Variants in ACTL6A observed in about 807,000 individuals in gnomAD.
ACTL6A encodes the protein actin-like protein 6A.
A neutral mutation model predicts 59.2 loss-of-function variants in ACTL6A; 5 were observed. The ratio of observed to expected loss-of-function variants is 0.08; its 90% CI spans 0.04 to 0.18. The LOEUF (loss-of-function observed/expected upper bound fraction) is 0.18. Among genes scored for constraint, ACTL6A ranks in the 10% least tolerant of loss-of-function variants. The pLI is 1.00. For synonymous variants in ACTL6A, 154 were observed against 171.8 expected (o/e 0.90, Z 0.81); for missense variants, 285 against 526.9 (o/e 0.54, Z 4.49).
At chr3:179,563,812 T>C (rs1045042927) in intron 1 of ACTL6A, among the ~76,000 whole-genome samples, 7 of 152,204 alleles carry the variant, frequency 4.6e-5, no homozygotes, top group African/African-American at 1.7e-4. Flanking sequence ...CTGGGGGTCC[T>C]AGGCGTGTTA....
At chr3:179,575,200 C>T (rs1464365010) in intron 5 of ACTL6A, 4 of 355,492 alleles carry the variant, frequency 1.1e-5, no homozygotes, top group South Asian at 4.4e-5. Context: ...TTCTACATTT[C>T]TTCCTTTATT....
chr3:179,582,455 CAT>C (rs1358029951), intron 11 of ACTL6A, among the ~76,000 whole-genome samples: 3 of 152,174 alleles, frequency 2.0e-5, no homozygotes, highest in Non-Finnish European at 2.9e-5. Flanking sequence ...AAGGGCTTAG[CAT>C]ATGTGTTTTG....
intron 11 of ACTL6A, among the ~76,000 whole-genome samples, chr3:179,582,601 AACTT>A (rs1445716900): frequency 6.6e-6 from 1 of 152,198 alleles, no homozygotes; most frequent in African/African-American, 2.4e-5. Flanking sequence ...TGAATATCCT[AACTT>A]ACAGATAAGC....
At chr3:179,585,738 A>G (rs939915053) in intron 12 of ACTL6A, among the ~76,000 whole-genome samples, 1 of 152,200 alleles carries the variant, frequency 6.6e-6, no homozygotes, top group Non-Finnish European at 1.5e-5. Context: ...AACTGTCCCC[A>G]GAGGCAGATT....
At position 179,576,966 on chromosome 3, in the gene ACTL6A, A is replaced by G. The variant is rs558266605; in HGVS notation, c.768+53A>G. The G allele has an allele frequency of 2.8e-5, 41 of 1,489,694 alleles. No homozygotes were observed. In the South Asian group the frequency reaches 4.3e-4, roughly 16 times the overall value. 92.3% of individuals were successfully genotyped at this position (1,489,694 alleles called of 1,614,324 possible). ...AATGTTACAGGCTTTTTGCATGAGT[A>G]TTAAAAAAAGTTATATATAGGCTGT... On this transcript the variant is annotated intron_variant, in intron 8 of 13. Transcript: ENST00000429709.
rs200172529 is a variant in ACTL6A, at chr3:179,587,866, A to AT, written c.1210-58dup. The AT allele has an allele frequency of 4.9e-3, 6,518 of 1,337,720 alleles. 1 individual carries two copies. The highest frequency in any genetic ancestry group is 6.7e-3 in the East Asian group (246 of 36,494). The allele number at this position is 1,337,720 out of a possible 1,614,324, so 82.9% of individuals were successfully genotyped here. A position where few individuals can be genotyped will look rare whatever the true frequency, so the allele number is the denominator to read the frequency against. On this transcript the variant is annotated intron_variant, in intron 13 of 13. Transcript: ENST00000429709. Reference sequence around the variant, plus strand: ...CAAGACCTTCTCTCAAAAAAAAAAAATTTTTTAAGCCATTTCTAGTAAGAA... The same window carrying AT: ...CAAGACCTTCTCTCAAAAAAAAAAAATTTTTTTAAGCCATTTCTAGTAAGAA...
chr3:179,574,357 C>T lies in ACTL6A; in HGVS notation c.379-13C>T. 1.3e-6 allele frequency: 2 copies of T among 1,545,950 alleles called. No individual in the cohort carries two copies. Among genetic ancestry groups the T allele is most frequent in the South Asian group, 1.1e-5 (1 of 88,872 alleles). On this transcript the variant is annotated splice_polypyrimidine_tract_variant and intron_variant, in intron 4 of 13. Coordinates refer to ENST00000429709, the MANE Select transcript of ACTL6A (RefSeq NM_004301.5). ...TCTTAATAACTTGCATTTCTTTTTC[C>T]CCTCTTCTCAAGTGGAATACTAGAG... is the stretch of plus-strand genomic sequence containing the variant.
chr3:179,567,082 T>G (rs897591859), intron 1 of ACTL6A, among the ~76,000 whole-genome samples: 10 of 152,216 alleles, frequency 6.6e-5, no homozygotes, highest in Non-Finnish European at 1.0e-4. Context: ...AGATTCTGGT[T>G]TCACCGGGCA....
Position 179,576,724 on chromosome 3 carries a change from A to C in ACTL6A, c.676A>C (p.Lys226Gln). The change falls in exon 7 of 14, where the codon AAA becomes CAA. Residue 226 changes from lysine to glutamine, a missense_variant and splice_region_variant. Physicochemically the swap from Lys to Gln is moderately conservative, Grantham distance 53. Coordinates refer to ENST00000429709, the MANE Select transcript of ACTL6A (RefSeq NM_004301.5). ...ELVPPYMIAS[K>Q]EAVREGSPAN... ...GGTTCCTCCATATATGATTGCATCA[A>C]AAGTAAGTAATTATTGAATTTTCTT... 6.2e-7 allele frequency: 1 copy of C among 1,611,862 alleles called. No individual in the cohort carries two copies. Among genetic ancestry groups the C allele is most frequent in the Non-Finnish European group, 8.5e-7 (1 of 1,177,980 alleles).
At chr3:179,572,982 C>CTTTTTTT (rs71628083) in intron 3 of ACTL6A, among the ~76,000 whole-genome samples, 1 of 138,830 alleles carries the variant, frequency 7.2e-6, no homozygotes. Flanking sequence ...ACAATTCTTT[C>CTTTTTTT]TTTTTTTTTT....
chr3:179,567,326 A>T (rs1297736988), intron 1 of ACTL6A, among the ~76,000 whole-genome samples: 2 of 152,212 alleles, frequency 1.3e-5, no homozygotes, highest in Admixed American at 6.5e-5. Context: ...AGATTGTGCC[A>T]TTGCACCCCA....
chr3:179,587,136 G>C (rs1049345176), intron 13 of ACTL6A, among the ~76,000 whole-genome samples: 2 of 152,164 alleles, frequency 1.3e-5, no homozygotes, highest in South Asian at 2.1e-4. Context: ...CCTGGACTTA[G>C]AGCATTTCTC....
chr3:179,587,789 T>G (rs1389263659), intron 13 of ACTL6A, 141 bp from the exon 14 acceptor site: 2 of 607,120 alleles, frequency 3.3e-6, no homozygotes, highest in South Asian at 2.2e-5. Flanking sequence ...ACCAAGAAGT[T>G]CGAGGTTGTA....
intron 12 of ACTL6A, 185 bp from the exon 13 acceptor site, chr3:179,586,361 A>C: frequency 4.5e-6 from 2 of 447,556 alleles, no homozygotes; most frequent in South Asian, 3.8e-5. Flanking sequence ...CAAGTGGCTC[A>C]TGCATGTAAT....
At chr3:179,576,496 G>A in intron 6 of ACTL6A, 124 bp from the exon 7 acceptor site, 1 of 839,532 alleles carries the variant, frequency 1.2e-6, no homozygotes, top group Non-Finnish European at 1.9e-6. Context: ...TTATTTATGT[G>A]TTGAAGGATA....
At chr3:179,574,723 T>C (rs984479066) in intron 5 of ACTL6A, 12 of 324,822 alleles carry the variant, frequency 3.7e-5, no homozygotes, top group African/African-American at 2.1e-4. Context: ...AGAAGGGGCA[T>C]GTGGATAGAA....
In ACTL6A at chr3:179,569,877, T is replaced by A; in HGVS notation, c.79T>A (p.Tyr27Asn). Residue 27 changes from tyrosine (Y) to asparagine (N), a missense_variant, in exon 2 of 14, where the codon TAT becomes AAT. Coordinates refer to ENST00000429709, the MANE Select transcript of ACTL6A (RefSeq NM_004301.5). The stretch of plus-strand genomic sequence containing the variant: ...TGGATCCTATACTGTGAGAGCTGGT[T>A]ATGCTGGTGAGGACTGCCCCAAGGT... ...DIGSYTVRAG[Y>N]AGEDCPKVDF... is the part of the protein sequence containing the mutation. 1 of 1,614,176 alleles carries A rather than the reference T, an allele frequency of 6.2e-7. No individual in the cohort carries two copies. The highest frequency in any genetic ancestry group is 8.5e-7 in the Non-Finnish European group (1 of 1,180,014).
chr3:179,581,431 C>T (rs1718336348), intron 11 of ACTL6A, among the ~76,000 whole-genome samples: 1 of 152,154 alleles, frequency 6.6e-6, no homozygotes, highest in African/African-American at 2.4e-5. Context: ...AGCTACCCGC[C>T]ACATGTGGCA....
intron 12 of ACTL6A, among the ~76,000 whole-genome samples, chr3:179,585,205 T>TGATTCTCCTACCTCAGC (rs1302856354): frequency 6.6e-6 from 1 of 152,106 alleles, no homozygotes; most frequent in Non-Finnish European, 1.5e-5. Context: ...TGGGTTCAAG[T>TGATTCTCCTACCTCAGC]GATTCTCCTA....
Sources: allele counts gnomAD v4.1 joint callset (sites outside exome capture counted in the v4.1 genomes callset), GRCh38; gene constraint gnomAD v4.1.1; transcripts MANE v1.5; gene names NCBI Gene and HGNC (gene_info 2026-07-23, HGNC 2026-07-21).